The following UPP2 variants were observed in gnomAD, a reference collection of about 807,000 sequenced individuals.
UPP2 encodes uridine phosphorylase 2.
In UPP2, 23 loss-of-function variants were observed where a neutral mutation model predicts 26.7. That is an observed-to-expected ratio of 0.86 (90% CI 0.62 to 1.22). The LOEUF (loss-of-function observed/expected upper bound fraction) is 1.22, where lower values mean the gene tolerates loss of function less well. Ranked by LOEUF, UPP2 falls within the 50% of genes most tolerant of loss-of-function variation. The pLI, the probability that UPP2 is intolerant of heterozygous loss-of-function variation, is 0.00. For missense variants in UPP2, 387 were observed against 396.7 expected (o/e 0.98, Z 0.21); for synonymous variants, 127 against 141.3 (o/e 0.90, Z 0.72).
intron 3 of UPP2, among the ~76,000 whole-genome samples, chr2:158,039,308 C>T (rs966874639): frequency 3.9e-5 from 6 of 152,184 alleles, no homozygotes; most frequent in African/African-American, 1.4e-4. Context: ...CACTAGCAAG[C>T]TGTGTCACAT....
chr2:158,023,915 T>G, intron 3 of UPP2, among the ~76,000 whole-genome samples: 1 of 152,164 alleles, frequency 6.6e-6, no homozygotes, highest in East Asian at 1.9e-4. Flanking sequence ...TCTCTTCAGC[T>G]CTGGATCCCC....
chr2:158,021,160 A>T (rs1683744674), intron 3 of UPP2, among the ~76,000 whole-genome samples: 1 of 152,242 alleles, frequency 6.6e-6, no homozygotes, highest in Non-Finnish European at 1.5e-5. Flanking sequence ...GGTCCCCTGG[A>T]CCTAGGTTAA....
intron 2 of UPP2, among the ~76,000 whole-genome samples, chr2:158,111,073 G>A (rs1314847362): frequency 6.6e-6 from 1 of 152,128 alleles, no homozygotes; most frequent in African/African-American, 2.4e-5. Context: ...TAGACATGAA[G>A]TCCTTGCCCA....
Position 158,079,029 on chromosome 2 carries a change from C to T in UPP2, c.148-23011C>T, listed in dbSNP as rs1408152485. The stretch of plus-strand genomic sequence containing the variant: ...TACTGTTTTCATGACAGTGAGTCCT[C>T]ATGAGATCAGATGGTTTTATAAGAG... On this transcript the variant is annotated intron_variant, in intron 3 of 9. Transcript: ENST00000605860. Among the ~76,000 whole-genome samples, 10 of 152,204 alleles carry T rather than the reference C, an allele frequency of 6.6e-5. No individual in the cohort carries two copies. The East Asian group carries it at 1.7e-3, about 27-fold the overall frequency.
intron 3 of UPP2, among the ~76,000 whole-genome samples, chr2:158,037,524 A>G (rs1282912640): frequency 6.6e-6 from 1 of 152,314 alleles, no homozygotes; most frequent in Admixed American, 6.5e-5. Flanking sequence ...TCCAAGTGTC[A>G]GCAGGGTGAA....
intron 2 of UPP2, among the ~76,000 whole-genome samples, chr2:158,111,059 G>A (rs970320552): frequency 6.6e-6 from 1 of 152,128 alleles, no homozygotes; most frequent in Non-Finnish European, 1.5e-5. Context: ...TGCTTTTAGT[G>A]TTTTAGACAT....
intron 3 of UPP2, among the ~76,000 whole-genome samples, chr2:158,041,555 T>C (rs1030600585): frequency 2.0e-5 from 3 of 152,234 alleles, no homozygotes; most frequent in Admixed American, 6.5e-5. Flanking sequence ...CTACATCTTT[T>C]GTAGGATATG....
At chr2:158,049,043 C>T (rs1240099631) in intron 3 of UPP2, among the ~76,000 whole-genome samples, 2 of 152,174 alleles carry the variant, frequency 1.3e-5, no homozygotes, top group African/African-American at 2.4e-5. Flanking sequence ...TTTAGAGTTC[C>T]CCAGGGTGGT....
At chr2:158,017,632 A>T (rs1186524718) in intron 3 of UPP2, among the ~76,000 whole-genome samples, 1 of 152,218 alleles carries the variant, frequency 6.6e-6, no homozygotes, top group Admixed American at 6.5e-5. Context: ...AACTGGGAAA[A>T]GTTCATACTC....
chr2:158,121,726 G>A, intron 5 of UPP2, 108 bp downstream of exon 5: 1 of 1,056,418 alleles, frequency 9.5e-7, no homozygotes, highest in Non-Finnish European at 1.4e-6. Context: ...ATTAATATTT[G>A]TGGGTTAAAA....
intron 2 of UPP2, among the ~76,000 whole-genome samples, chr2:157,997,796 G>T (rs1204849805): frequency 6.6e-6 from 1 of 152,174 alleles, no homozygotes; most frequent in Non-Finnish European, 1.5e-5. Context: ...ATCTGGGGAA[G>T]ATGCTTTGAA....
intron 6 of UPP2, among the ~76,000 whole-genome samples, chr2:158,125,517 G>C (rs1683674645): frequency 6.6e-6 from 1 of 151,738 alleles, no homozygotes; most frequent in Non-Finnish European, 1.5e-5. Flanking sequence ...TGCCTCCTGG[G>C]TTCAAGCAAT....
At chr2:158,030,909 TG>T (rs1683911045) in intron 3 of UPP2, among the ~76,000 whole-genome samples, 1 of 152,196 alleles carries the variant, frequency 6.6e-6, no homozygotes, top group African/African-American at 2.4e-5. Flanking sequence ...TCTGACCTCT[TG>T]GGAGCTTAGC....
chr2:158,123,354 C>CTA (rs1683614620), intron 5 of UPP2, among the ~76,000 whole-genome samples: 1 of 150,820 alleles, frequency 6.6e-6, no homozygotes, highest in Non-Finnish European at 1.5e-5. Flanking sequence ...ATCGAAACCT[C>CTA]TTTTTTTTTC....
rs143975395 is a variant in UPP2, at chr2:158,078,646, A to T, written c.148-23394A>T. Among the ~76,000 whole-genome samples the T allele has an allele frequency of 2.4e-3, 358 of 152,154 alleles. 4 individuals carry two copies. Among genetic ancestry groups the T allele is most frequent in the African/African-American group, 8.4e-3 (349 of 41,508 alleles). Reference sequence around the variant, plus strand: ...AGAGGCTGGGAAGAGTAGCAGGGGGATGGGAGTGGGGATGTGGGGATTATT... The same window carrying T: ...AGAGGCTGGGAAGAGTAGCAGGGGGTTGGGAGTGGGGATGTGGGGATTATT... On this transcript the variant is annotated intron_variant, in intron 3 of 9. Coordinates refer to the UPP2 transcript ENST00000605860.
At chr2:158,078,489 T>C (rs758841350) in intron 3 of UPP2, among the ~76,000 whole-genome samples, 1 of 152,086 alleles carries the variant, frequency 6.6e-6, no homozygotes, top group Non-Finnish European at 1.5e-5. Context: ...ACAACATGGA[T>C]GGAACTGGCA....
intron 3 of UPP2, among the ~76,000 whole-genome samples, chr2:158,094,938 G>C (rs1318692920): frequency 6.6e-6 from 1 of 152,132 alleles, no homozygotes; most frequent in Non-Finnish European, 1.5e-5. Flanking sequence ...GCTTTCATCA[G>C]GTGCTGAAAG....
chr2:158,113,053 T>C (rs1683352938), intron 2 of UPP2, among the ~76,000 whole-genome samples: 1 of 152,178 alleles, frequency 6.6e-6, no homozygotes, highest in African/African-American at 2.4e-5. Flanking sequence ...GAAAATTGTG[T>C]CCAGAGGTGG....
At chr2:158,050,544 T>C (rs1682134762) in intron 3 of UPP2, among the ~76,000 whole-genome samples, 1 of 108,666 alleles carries the variant, frequency 9.2e-6, no homozygotes, top group Non-Finnish European at 2.2e-5. Context: ...ACACCTGTAG[T>C]CCAAGCTACT....
Sources: gnomAD v4.1 joint callset for allele counts (sites outside exome capture counted in the v4.1 genomes callset) on GRCh38, gnomAD v4.1.1 for gene constraint, MANE v1.5 for transcripts, NCBI Gene and HGNC (gene_info 2026-07-23, HGNC 2026-07-21) for gene names.